DLGAP1: variants seen among roughly 807,000 people sequenced by gnomAD.
The protein encoded by DLGAP1 is DLG associated protein 1.
DLGAP1 carries 11 observed loss-of-function variants against 90.8 expected under a neutral mutation model. That is an observed-to-expected ratio of 0.12 (90% CI 0.08 to 0.20). DLGAP1 has a LOEUF of 0.20. Ranked by LOEUF, DLGAP1 falls within the 10% of genes least tolerant of loss-of-function variation. DLGAP1 has a pLI of 1.00. For synonymous variants in DLGAP1, 558 were observed against 540.7 expected, an observed-to-expected ratio of 1.03 and a Z score of -0.44; for missense variants, 1,050 against 1,333.8, an observed-to-expected ratio of 0.79 and a Z score of 3.31.
At chr18:4,207,694 C>T (rs542191557) in intron 1 of DLGAP1, among the ~76,000 whole-genome samples, 25 of 152,246 alleles carry the variant, frequency 1.6e-4, no homozygotes, top group African/African-American at 6.0e-4. Context: ...TCTGGATCCA[C>T]CCGCTTCTCC....
chr18:3,641,851 C>A (rs1439749660), intron 7 of DLGAP1, among the ~76,000 whole-genome samples: 2 of 152,054 alleles, frequency 1.3e-5, no homozygotes, highest in African/African-American at 4.8e-5. Flanking sequence ...ATGTTTGAGT[C>A]TTGAAAAAAG....
At chr18:4,078,791 G>C (rs764436660) in intron 2 of DLGAP1, among the ~76,000 whole-genome samples, 1 of 152,126 alleles carries the variant, frequency 6.6e-6, no homozygotes, top group Non-Finnish European at 1.5e-5. Context: ...ATATATCAAT[G>C]AGTCCATGTT....
chr18:3,530,574 T>C (rs1244377156), intron 10 of DLGAP1, among the ~76,000 whole-genome samples: 1 of 152,156 alleles, frequency 6.6e-6, no homozygotes, highest in African/African-American at 2.4e-5. Context: ...TGCTGGCATT[T>C]TTCCTAGGAA....
At chr18:3,827,077 G>A (rs1002895537) in intron 4 of DLGAP1, among the ~76,000 whole-genome samples, 4 of 152,194 alleles carry the variant, frequency 2.6e-5, no homozygotes, top group African/African-American at 9.7e-5. Flanking sequence ...TAGGAGTTCA[G>A]TTTGGGATGT....
intron 1 of DLGAP1, among the ~76,000 whole-genome samples, chr18:4,343,320 A>AAG (rs1178225069): frequency 1.3e-5 from 2 of 151,820 alleles, no homozygotes; most frequent in East Asian, 3.9e-4. Flanking sequence ...AAAAAAAAAA[A>AAG]AAAGTTTAGA....
intron 1 of DLGAP1, among the ~76,000 whole-genome samples, chr18:4,157,186 C>G (rs1261099264): frequency 6.6e-6 from 1 of 151,936 alleles, no homozygotes; most frequent in African/African-American, 2.4e-5. Context: ...TGTCTTTGCA[C>G]TCAAATAGTT....
At chr18:3,647,761 G>C (rs749690460) in intron 7 of DLGAP1, among the ~76,000 whole-genome samples, 5 of 152,022 alleles carry the variant, frequency 3.3e-5, no homozygotes, top group Admixed American at 1.3e-4. Context: ...CACCACGCCC[G>C]GTCTATTTAA....
At chr18:3,673,424 T>C (rs1050406922) in intron 7 of DLGAP1, among the ~76,000 whole-genome samples, 1 of 152,238 alleles carries the variant, frequency 6.6e-6, no homozygotes, top group Admixed American at 6.5e-5. Context: ...TGTCACTCTT[T>C]AGAAGCACTA....
intron 7 of DLGAP1, among the ~76,000 whole-genome samples, chr18:3,693,448 C>A (rs878974251): frequency 6.6e-6 from 1 of 152,190 alleles, no homozygotes; most frequent in South Asian, 2.1e-4. Flanking sequence ...CACTAATCTG[C>A]ATGTTGAAGA....
chr18:3,879,068 GC>G lies in DLGAP1; in HGVS notation c.957+43del. Reference sequence around the variant, plus strand: ...CCAGGAGAAATGCCCACACAAGCATGCCAGGTACTACTTCTAAGCCTCCATC... The same window carrying G: ...CCAGGAGAAATGCCCACACAAGCATGCAGGTACTACTTCTAAGCCTCCATC... On this transcript the variant is annotated intron_variant, in intron 4 of 12. Coordinates refer to ENST00000315677, the MANE Select transcript of DLGAP1 (RefSeq NM_004746.4). This position sits in a 1 kb window ranked among gnomAD's most constrained non-coding sequence, Gnocchi z 6.6. 1 of 1,417,248 alleles carries G rather than the reference GC, an allele frequency of 7.1e-7. No homozygotes were observed. The highest frequency in any genetic ancestry group is 9.3e-7 in the Non-Finnish European group (1 of 1,071,112). 87.8% of individuals were successfully genotyped at this position (1,417,248 alleles called of 1,614,324 possible).
intron 1 of DLGAP1, among the ~76,000 whole-genome samples, chr18:4,424,270 T>C (rs1419438018): frequency 6.6e-6 from 1 of 152,208 alleles, no homozygotes; most frequent in Admixed American, 6.5e-5. Flanking sequence ...GTCAGATCTT[T>C]GAATATTAAA....
chr18:3,679,845 TTTCTTTC>T (rs1266488448), intron 7 of DLGAP1: 17 of 135,126 alleles, frequency 1.3e-4, no homozygotes, highest in South Asian at 4.8e-4. Context: ...TCTTTCTTTC[TTTCTTTC>T]TTTTTTTTTT....
In DLGAP1 at chr18:3,879,648, G is replaced by C; in HGVS notation, c.421C>G (p.Leu141Val). 1 of 1,605,700 alleles carries C rather than the reference G, an allele frequency of 6.2e-7. No homozygotes were observed. The highest frequency in any genetic ancestry group is 8.5e-7 in the Non-Finnish European group (1 of 1,179,258). ...AAGAGCTTCTGGACCGAGTGCACCAGGTGGCGGATGCGGCCGGGGCTGTCG... is the reference window on the plus strand; with the variant it reads ...AAGAGCTTCTGGACCGAGTGCACCACGTGGCGGATGCGGCCGGGGCTGTCG... Reference protein sequence around the residue: ...RSDSPGRIRHLVHSVQKLFTK... With the variant: ...RSDSPGRIRHVVHSVQKLFTK... Residue 141 changes from leucine (L) to valine (V), a missense_variant, in exon 4 of 13, where the codon CTG (leucine) becomes GTG (valine). Leu to Val is a conservative substitution (Grantham distance 32, BLOSUM62 1). Transcript: ENST00000315677. The surrounding 1 kb of genome is among the most constrained non-coding windows in gnomAD (Gnocchi z 6.6).
chr18:4,163,558 G>A, intron 1 of DLGAP1, among the ~76,000 whole-genome samples: 1 of 152,202 alleles, frequency 6.6e-6, no homozygotes, highest in Non-Finnish European at 1.5e-5. Context: ...CAGATCTGTA[G>A]AAGTAAATTG....
intron 1 of DLGAP1, among the ~76,000 whole-genome samples, chr18:4,249,774 G>C (rs925942871): frequency 6.6e-6 from 1 of 152,082 alleles, no homozygotes; most frequent in Non-Finnish European, 1.5e-5. Flanking sequence ...TTTCTGTAGA[G>C]ACGGGGGTCT....
chr18:3,517,819 GA>G lies in DLGAP1; in HGVS notation c.2480-9159del, dbSNP rs57625422. Among the ~76,000 whole-genome samples the G allele has an allele frequency of 3.1e-4, 44 of 141,870 alleles. No individual in the cohort carries two copies. Among genetic ancestry groups the G allele is most frequent in the Non-Finnish European group, 2.9e-4 (19 of 65,704 alleles). 93.1% of individuals were successfully genotyped at this position (141,870 alleles called of 152,430 possible). The stretch of plus-strand genomic sequence containing the variant: ...GCAACAAGAGAGAAACTCTGTCTCG[GA>G]AAAAAAAAAAAAAGAAGAGAGTCAC... On this transcript the variant is annotated intron_variant, in intron 10 of 12. Transcript: ENST00000315677. The surrounding 1 kb of genome is among the most constrained non-coding windows in gnomAD (Gnocchi z 4.1).
intron 1 of DLGAP1, among the ~76,000 whole-genome samples, chr18:4,357,121 C>A (rs934569291): frequency 6.7e-6 from 1 of 148,850 alleles, no homozygotes; most frequent in East Asian, 2.0e-4. Context: ...GTACGATATA[C>A]CATTTCTTTC....
chr18:3,512,651 C>T lies in DLGAP1; in HGVS notation c.2480-3990G>A, dbSNP rs530301755. ...TCACAAACAGGCATCTAATTAGATC[C>T]TCGCAGGACCCTGTGAGGCAGAGCA... On this transcript the variant is annotated intron_variant, in intron 10 of 12. Coordinates refer to ENST00000315677, the MANE Select transcript of DLGAP1 (RefSeq NM_004746.4). Among the ~76,000 whole-genome samples, 4 of 152,314 alleles carry T rather than the reference C, an allele frequency of 2.6e-5. No individual in the cohort carries two copies. In the South Asian group the frequency reaches 6.2e-4, roughly 24 times the overall value.
intron 7 of DLGAP1, among the ~76,000 whole-genome samples, chr18:3,695,256 T>C (rs564207159): frequency 6.6e-6 from 1 of 152,280 alleles, no homozygotes; most frequent in African/African-American, 2.4e-5. Context: ...CTTTTGGTGT[T>C]TTAGTCATGA....
Sources: gnomAD v4.1 joint callset for allele counts (sites outside exome capture counted in the v4.1 genomes callset) on GRCh38, gnomAD v4.1.1 for gene constraint, Gnocchi (gnomAD v3.1) non-coding constraint, MANE v1.5 for transcripts, NCBI Gene and HGNC (gene_info 2026-07-23, HGNC 2026-07-21) for gene names.